CTNND2: variants seen among roughly 807,000 people sequenced by gnomAD.
The protein encoded by CTNND2 is catenin delta-2.
CTNND2 carries 22 observed loss-of-function variants against 144.4 expected under a neutral mutation model. The ratio of observed to expected loss-of-function variants is 0.15; its 90% confidence interval spans 0.11 to 0.22. The LOEUF is 0.22. Ranked by LOEUF, CTNND2 falls within the 10% of genes least tolerant of loss-of-function variation. The pLI, the probability that CTNND2 is intolerant of heterozygous loss-of-function variation, is 1.00. For missense variants in CTNND2, 1,353 were observed against 1,618.8 expected (o/e 0.84, Z 2.82); for synonymous variants, 751 against 695.6 (o/e 1.08, Z -1.25).
At chr5:11,458,541 A>G (rs1326355044) in intron 3 of CTNND2, among the ~76,000 whole-genome samples, 1 of 152,210 alleles carries the variant, frequency 6.6e-6, no homozygotes, top group Admixed American at 6.5e-5. Context: ...GTGCCTGAGC[A>G]GACACAGTTG....
At chr5:11,518,079 G>A (rs32626) in intron 3 of CTNND2, among the ~76,000 whole-genome samples, 65,523 of 151,938 alleles carry the variant, frequency 0.43, 14,863 homozygotes, top group South Asian at 0.55. Flanking sequence ...ACAGTCACAC[G>A]ACGTCACATA....
chr5:11,050,643 C>T (rs1194026267), intron 16 of CTNND2, among the ~76,000 whole-genome samples: 1 of 152,218 alleles, frequency 6.6e-6, no homozygotes, highest in African/African-American at 2.4e-5. Flanking sequence ...ACCTGAGCAT[C>T]CTGCCCAGGA....
At chr5:11,625,389 ATCTCTCTCTCTCTCTC>A (rs57148533) in intron 2 of CTNND2, among the ~76,000 whole-genome samples, 3 of 140,394 alleles carry the variant, frequency 2.1e-5, no homozygotes, top group East Asian at 2.2e-4. Context: ...AAACAGAAAA[ATCTCTCTCTCTCTCTC>A]TCTCTCTCTC....
intron 3 of CTNND2, among the ~76,000 whole-genome samples, chr5:11,493,209 C>T (rs1483461904): frequency 1.3e-5 from 2 of 152,096 alleles, no homozygotes; most frequent in East Asian, 3.9e-4. Context: ...CACATCCTGG[C>T]CTGCTGTGTG....
intron 18 of CTNND2, among the ~76,000 whole-genome samples, chr5:11,012,245 G>A (rs1741174198): frequency 2.6e-5 from 4 of 152,040 alleles, no homozygotes; most frequent in Admixed American, 2.6e-4. Flanking sequence ...GGAGGGGGTG[G>A]GATTGAGGGA....
At chr5:11,508,638 G>A (rs1374394284) in intron 3 of CTNND2, among the ~76,000 whole-genome samples, 1 of 152,184 alleles carries the variant, frequency 6.6e-6, no homozygotes, top group Non-Finnish European at 1.5e-5. Flanking sequence ...AGGGCCGGGT[G>A]CAGTGGTTCA....
chr5:11,461,078 G>C (rs986519493), intron 3 of CTNND2, among the ~76,000 whole-genome samples: 1 of 150,762 alleles, frequency 6.6e-6, no homozygotes, highest in Non-Finnish European at 1.5e-5. Flanking sequence ...CACTTTCCCC[G>C]CTAGTCCTGC....
intron 9 of CTNND2, among the ~76,000 whole-genome samples, chr5:11,312,901 C>G (rs1751139710): frequency 6.6e-6 from 1 of 152,218 alleles, no homozygotes; most frequent in Non-Finnish European, 1.5e-5. Flanking sequence ...ATCTCCATTT[C>G]AAAACACCAT....
In CTNND2 at chr5:11,004,378, C is replaced by A. The variant is rs1580005908; in HGVS notation, c.3085-11701G>T. 3.3e-5 allele frequency among the ~76,000 whole-genome samples: 5 copies of A among 152,326 alleles called. No homozygotes were observed. In the South Asian group the frequency reaches 6.2e-4, roughly 19 times the overall value. On this transcript the variant is annotated intron_variant, in intron 18 of 21. Coordinates refer to ENST00000304623, the MANE Select transcript of CTNND2 (RefSeq NM_001332.4). ...GTCATTTGAGCATTTGAACAGTCAG[C>A]TATTTTACATATACACTCATCACTG...
chr5:11,353,845 T>G (rs1580994110), intron 8 of CTNND2, among the ~76,000 whole-genome samples: 1 of 152,116 alleles, frequency 6.6e-6, no homozygotes, highest in Non-Finnish European at 1.5e-5. Flanking sequence ...CTTTGGCTTC[T>G]TCTTCAGAAA....
rs1235539885 is a variant in CTNND2 at position 11,903,785 on chromosome 5, C to T, written c.37+32G>A. The T allele has an allele frequency of 6.8e-5, 101 of 1,474,788 alleles. 3 individuals carry two copies. The East Asian group carries it at 3.0e-3, about 44-fold the overall frequency. The allele number at this position is 1,474,788 out of a possible 1,614,324, so 91.4% of individuals were successfully genotyped here. ...AGGACGGCGCCGGGAGGAGGCTGCGCCCGGCCCCGGCCGCCCAGCCCCGCA... is the reference window on the plus strand; with the variant it reads ...AGGACGGCGCCGGGAGGAGGCTGCGTCCGGCCCCGGCCGCCCAGCCCCGCA... On this transcript the variant is annotated intron_variant, in intron 1 of 21. Transcript: ENST00000304623. This position sits in a 1 kb window ranked among gnomAD's most constrained non-coding sequence, Gnocchi z 5.4.
In CTNND2 at chr5:11,871,132, C is replaced by T. The variant is rs191475355; in HGVS notation, c.37+32685G>A. ...GAATATAACCAGAAGTCAGCTAACC[C>T]CTGCTCAGAAGGGGGGCCCTCATTC... On this transcript the variant is annotated intron_variant, in intron 1 of 21. Transcript: ENST00000304623. Among the ~76,000 whole-genome samples, 71 of 152,286 alleles carry T rather than the reference C, an allele frequency of 4.7e-4. 1 individual carries two copies. The Middle Eastern group carries it at 0.01, about 22-fold the overall frequency.
At chr5:11,889,451 T>G (rs1409566537) in intron 1 of CTNND2, among the ~76,000 whole-genome samples, 1 of 152,168 alleles carries the variant, frequency 6.6e-6, no homozygotes, top group Non-Finnish European at 1.5e-5. Flanking sequence ...GTAGCCACAA[T>G]TAAACACCAA....
chr5:11,020,649 G>T (rs1401085654), intron 17 of CTNND2, among the ~76,000 whole-genome samples: 2 of 152,112 alleles, frequency 1.3e-5, no homozygotes, highest in Non-Finnish European at 2.9e-5. Context: ...GCAGTGAAAA[G>T]CAATAATAAA....
intron 5 of CTNND2, among the ~76,000 whole-genome samples, chr5:11,398,799 G>T (rs1760372236): frequency 6.6e-6 from 1 of 152,158 alleles, no homozygotes; most frequent in African/African-American, 2.4e-5. Context: ...CTCAATCACT[G>T]AATATAAGGA....
Position 11,366,932 on chromosome 5 carries a change from A to G in CTNND2, c.1178-2042T>C, listed in dbSNP as rs922533133. Among the ~76,000 whole-genome samples the G allele has an allele frequency of 4.6e-5, 7 of 152,332 alleles. 1 individual carries two copies. The highest frequency in any genetic ancestry group is 4.6e-4 in the Admixed American group (7 of 15,302). ...TTCATTAGTGGCATTAATCAAATTG[A>G]TGACCAAGGGTGCTAGGCAAGGAAG... On this transcript the variant is annotated intron_variant, in intron 7 of 21. Transcript: ENST00000304623.
At chr5:11,000,431 G>T (rs1421443195) in intron 18 of CTNND2, among the ~76,000 whole-genome samples, 1 of 152,198 alleles carries the variant, frequency 6.6e-6, no homozygotes, top group Non-Finnish European at 1.5e-5. Context: ...TGAGGCAGGA[G>T]AATCGCTTGA....
intron 2 of CTNND2, among the ~76,000 whole-genome samples, chr5:11,574,156 T>A (rs980660680): frequency 6.6e-6 from 1 of 152,060 alleles, no homozygotes; most frequent in Non-Finnish European, 1.5e-5. Context: ...AATGTTCCAT[T>A]AGTGATTATT....
intron 9 of CTNND2, among the ~76,000 whole-genome samples, chr5:11,243,823 C>G (rs547470103): frequency 6.6e-6 from 1 of 152,268 alleles, no homozygotes; most frequent in South Asian, 2.1e-4. Flanking sequence ...TCAAGCTTCC[C>G]CATTGAAAAG....
Sources: allele counts gnomAD v4.1 joint callset (sites outside exome capture counted in the v4.1 genomes callset), GRCh38; gene constraint gnomAD v4.1.1; non-coding constraint Gnocchi (gnomAD v3.1); transcripts MANE v1.5; gene names NCBI Gene and HGNC (gene_info 2026-07-23, HGNC 2026-07-21).